AUTS2: variants seen among roughly 807,000 people sequenced by gnomAD.
AUTS2 encodes autism susceptibility gene 2 protein.
Under a neutral mutation model 112.4 loss-of-function variants are expected in AUTS2, and 17 were observed. The ratio of observed to expected loss-of-function variants is 0.15; its 90% CI spans 0.10 to 0.23. AUTS2 has a LOEUF of 0.23. Ranked by LOEUF, AUTS2 falls within the 10% of genes least tolerant of loss-of-function variation. The pLI is 1.00. For missense variants in AUTS2, 1,510 were observed against 1,701.6 expected, an observed-to-expected ratio of 0.89 and a Z score of 1.98; for synonymous variants, 751 against 702.7, an observed-to-expected ratio of 1.07 and a Z score of -1.09.
At chr7:69,614,328 C>CTTTA (rs778718260) in intron 1 of AUTS2, among the ~76,000 whole-genome samples, 1 of 57,048 alleles carries the variant, frequency 1.8e-5, no homozygotes, top group Admixed American at 1.8e-4. Flanking sequence ...TTCTTTCTTT[C>CTTTA]TTTCTTTCTT....
chr7:70,553,041 A>G (rs1801080130), intron 5 of AUTS2, among the ~76,000 whole-genome samples: 1 of 152,206 alleles, frequency 6.6e-6, no homozygotes, highest in Non-Finnish European at 1.5e-5. Context: ...CCTGGAGCAA[A>G]TGACGTACTC....
At chr7:70,398,534 G>T (rs954083990) in intron 4 of AUTS2, among the ~76,000 whole-genome samples, 1 of 151,698 alleles carries the variant, frequency 6.6e-6, no homozygotes, top group Non-Finnish European at 1.5e-5. Flanking sequence ...TTAAATTTTT[G>T]ATTGTTGCTA....
At position 70,287,601 on chromosome 7, in the gene AUTS2, G is replaced by A. The variant is rs777513843; in HGVS notation, c.661-148151G>A. ...CCACTCACATATTAGAATTAAAAAT[G>A]TCAAAGTAAAATTAAAATAACATTC... is the stretch of plus-strand genomic sequence containing the variant. On this transcript the variant is annotated intron_variant, in intron 4 of 18. Coordinates refer to ENST00000342771, the MANE Select transcript of AUTS2 (RefSeq NM_015570.4). Among the ~76,000 whole-genome samples, 5 of 152,274 alleles carry A rather than the reference G, an allele frequency of 3.3e-5. No individual in the cohort carries two copies. The East Asian group carries it at 5.8e-4, about 18-fold the overall frequency.
chr7:70,710,807 A>G (rs4524668), intron 6 of AUTS2, among the ~76,000 whole-genome samples: 116,466 of 152,206 alleles, frequency 0.77, 44,675 homozygotes, highest in East Asian at 0.94. Flanking sequence ...AAGAAGCTTA[A>G]AAAACAAATT....
At chr7:70,121,735 T>C (rs1463413081) in intron 3 of AUTS2, among the ~76,000 whole-genome samples, 1 of 152,174 alleles carries the variant, frequency 6.6e-6, no homozygotes, top group Non-Finnish European at 1.5e-5. Context: ...CTGGTGGGAA[T>C]GTAAAATGAC....
chr7:69,750,216 A>G (rs1787676102), intron 1 of AUTS2, among the ~76,000 whole-genome samples: 1 of 151,978 alleles, frequency 6.6e-6, no homozygotes, highest in Non-Finnish European at 1.5e-5. Flanking sequence ...TAGGAACTGG[A>G]AAAAGGCAAA....
intron 4 of AUTS2, among the ~76,000 whole-genome samples, chr7:70,136,821 C>T (rs950036681): frequency 8.5e-5 from 13 of 152,258 alleles, no homozygotes; most frequent in East Asian, 7.7e-4. Flanking sequence ...AATCTAGAAC[C>T]GTTTTCTTGA....
Position 70,272,214 on chromosome 7 carries a change from G to A in AUTS2, c.660+137643G>A, listed in dbSNP as rs533231659. Among the ~76,000 whole-genome samples the A allele has an allele frequency of 5.9e-5, 9 of 151,530 alleles. No individual in the cohort carries two copies. The East Asian group carries it at 1.6e-3, about 26-fold the overall frequency. On this transcript the variant is annotated intron_variant, in intron 4 of 18. Coordinates refer to ENST00000342771, the MANE Select transcript of AUTS2 (RefSeq NM_015570.4). ...ATCATTACTTCAAAACCAAACCAAGGGAAGTGTGTTGTAGTTAAATTAAAA... is the reference window on the plus strand; with the variant it reads ...ATCATTACTTCAAAACCAAACCAAGAGAAGTGTGTTGTAGTTAAATTAAAA...
rs116026958 is a variant in AUTS2 at position 70,071,601 on chromosome 7, T to A, written c.523-46531T>A. ...TGGTTGGTTGTCAGTGTGCTTTTTT[T>A]CATATTGGCTTGTTGCTACAGGGTC... is the stretch of plus-strand genomic sequence containing the variant. On this transcript the variant is annotated intron_variant, in intron 2 of 18. Coordinates refer to ENST00000342771, the MANE Select transcript of AUTS2 (RefSeq NM_015570.4). Among the ~76,000 whole-genome samples the A allele has an allele frequency of 6.3e-3, 958 of 152,322 alleles. 12 individuals carry two copies. Among genetic ancestry groups the A allele is most frequent in the African/African-American group, 0.021 (892 of 41,562 alleles).
At chr7:70,687,244 T>C (rs1046217550) in intron 5 of AUTS2, among the ~76,000 whole-genome samples, 2 of 151,890 alleles carry the variant, frequency 1.3e-5, no homozygotes, top group African/African-American at 4.8e-5. Flanking sequence ...GCAAACCAAG[T>C]CCAGACGGAA....
intron 2 of AUTS2, among the ~76,000 whole-genome samples, chr7:69,971,034 C>G (rs1797826698): frequency 6.6e-6 from 1 of 152,050 alleles, no homozygotes; most frequent in African/African-American, 2.4e-5. Context: ...AAAAAATTAG[C>G]TGGTGTGGTA....
At chr7:70,665,191 T>G (rs963341227) in intron 5 of AUTS2, among the ~76,000 whole-genome samples, 3 of 152,216 alleles carry the variant, frequency 2.0e-5, no homozygotes, top group Non-Finnish European at 2.9e-5. Flanking sequence ...TTTATAAGGC[T>G]ACAGGGCACC....
intron 5 of AUTS2, among the ~76,000 whole-genome samples, chr7:70,602,621 G>A (rs1038420685): frequency 2.0e-5 from 3 of 152,216 alleles, no homozygotes; most frequent in African/African-American, 7.2e-5. Context: ...AGAGGTCAAA[G>A]TATTAGGAAA....
intron 1 of AUTS2, among the ~76,000 whole-genome samples, chr7:69,823,182 C>T (rs1490483237): frequency 1.3e-5 from 2 of 152,168 alleles, no homozygotes; most frequent in African/African-American, 4.8e-5. Flanking sequence ...CCTCTCTCTC[C>T]CTTGTCTTTG....
intron 16 of AUTS2, 66 bp downstream of exon 16, chr7:70,785,085 C>A: frequency 6.5e-7 from 1 of 1,548,748 alleles, no homozygotes. Context: ...GTTTACCATG[C>A]TCCCGCTGCA....
intron 4 of AUTS2, among the ~76,000 whole-genome samples, chr7:70,434,791 C>G (rs1053169333): frequency 4.6e-5 from 7 of 152,216 alleles, no homozygotes; most frequent in African/African-American, 1.4e-4. Flanking sequence ...GCCTGTATCT[C>G]AGGTGAATTT....
chr7:69,680,670 T>G (rs1796750576), intron 1 of AUTS2, among the ~76,000 whole-genome samples: 1 of 152,164 alleles, frequency 6.6e-6, no homozygotes, highest in Non-Finnish European at 1.5e-5. Flanking sequence ...CTGAGTATTT[T>G]ATTTTATTTT....
chr7:70,267,919 A>G (rs1382791401), intron 4 of AUTS2, among the ~76,000 whole-genome samples: 1 of 152,232 alleles, frequency 6.6e-6, no homozygotes, highest in Non-Finnish European at 1.5e-5. Context: ...AACGCTGCTT[A>G]AACCCAGACT....
intron 1 of AUTS2, among the ~76,000 whole-genome samples, chr7:69,824,870 G>A (rs1288229262): frequency 6.6e-6 from 1 of 152,168 alleles, no homozygotes; most frequent in East Asian, 1.9e-4. Context: ...ATCAAAAGCT[G>A]TATCTATTTC....
Sources: allele counts gnomAD v4.1 joint callset (sites outside exome capture counted in the v4.1 genomes callset), GRCh38; gene constraint gnomAD v4.1.1; transcripts MANE v1.5; gene names NCBI Gene and HGNC (gene_info 2026-07-23, HGNC 2026-07-21).